Variants in NCAM2 observed in about 807,000 individuals in gnomAD.
The protein encoded by NCAM2 is neural cell adhesion molecule 2, also known as N-CAM-2.
In NCAM2, 30 loss-of-function variants were observed where a neutral mutation model predicts 98.1. That is an observed-to-expected ratio of 0.31 (90% CI 0.23 to 0.41). The LOEUF (loss-of-function observed/expected upper bound fraction) is 0.41. Among genes scored for constraint, NCAM2 ranks in the 10% least tolerant of loss-of-function variants. The probability of loss-of-function intolerance (pLI) is 1.00; values close to 1 mark genes in which losing one functional copy is unlikely to be tolerated. For missense variants in NCAM2, 867 were observed against 1,005.8 expected, an observed-to-expected ratio of 0.86 and a Z score of 1.87; for synonymous variants, 368 against 342.4, an observed-to-expected ratio of 1.07 and a Z score of -0.83.
chr21:21,371,093 G>C (rs1472399380), intron 8 of NCAM2, among the ~76,000 whole-genome samples: 2 of 151,668 alleles, frequency 1.3e-5, no homozygotes, highest in African/African-American at 4.8e-5. Context: ...ATTGAAATAA[G>C]AGGAAGATTA....
At chr21:21,067,857 C>T (rs2065472530) in intron 1 of NCAM2, among the ~76,000 whole-genome samples, 1 of 151,950 alleles carries the variant, frequency 6.6e-6, no homozygotes, top group African/African-American at 2.4e-5. Context: ...GAATATAGCC[C>T]ATTGACCCTT....
At position 21,356,817 on chromosome 21, in the gene NCAM2, C is replaced by G. The variant is rs532236354; in HGVS notation, c.1045-17046C>G. 2.1e-3 allele frequency among the ~76,000 whole-genome samples: 326 copies of G among 152,020 alleles called. 2 individuals are homozygous for G. Among genetic ancestry groups the G allele is most frequent in the Non-Finnish European group, 5.1e-4 (35 of 67,984 alleles). On this transcript the variant is annotated intron_variant, in intron 8 of 17. Transcript: ENST00000400546. ...ACAAACGTGGCCAACATGGAGAAATCCCATCTCTACTAAAAATACAAAATT... is the reference window on the plus strand; with the variant it reads ...ACAAACGTGGCCAACATGGAGAAATGCCATCTCTACTAAAAATACAAAATT...
chr21:21,507,353 A>T (rs1009236007), intron 15 of NCAM2, among the ~76,000 whole-genome samples: 2 of 152,144 alleles, frequency 1.3e-5, no homozygotes, highest in African/African-American at 4.8e-5. Flanking sequence ...AAACAAATAC[A>T]GGTTTTATAT....
At chr21:21,464,087 C>G (rs1331727570) in intron 12 of NCAM2, among the ~76,000 whole-genome samples, 1 of 152,036 alleles carries the variant, frequency 6.6e-6, no homozygotes, top group East Asian at 1.9e-4. Flanking sequence ...TTTTGCTTCT[C>G]TTTTTGCCTT....
At position 21,411,054 on chromosome 21, in the gene NCAM2, G is replaced by A. The variant is rs62207436; in HGVS notation, c.1383+593G>A. ...TATACACACATATATATATGTGTGTGTATATATATATATATACACACACAT... is the reference window on the plus strand; with the variant it reads ...TATACACACATATATATATGTGTGTATATATATATATATATACACACACAT... On this transcript the variant is annotated intron_variant, in intron 10 of 17. Transcript: ENST00000400546. 3.8e-3 allele frequency among the ~76,000 whole-genome samples: 110 copies of A among 29,212 alleles called. 6 individuals carry two copies. Among genetic ancestry groups the A allele is most frequent in the East Asian group, 9.9e-3 (5 of 506 alleles). 19.2% of individuals were successfully genotyped at this position (29,212 alleles called of 152,430 possible). A position where few individuals can be genotyped will look rare whatever the true frequency, so the allele number is the denominator to read the frequency against.
intron 1 of NCAM2, among the ~76,000 whole-genome samples, chr21:21,246,322 C>T (rs761804921): frequency 1.1e-4 from 17 of 151,920 alleles, no homozygotes; most frequent in Admixed American, 7.2e-4. Context: ...CCTGAGTTCT[C>T]GATCTCGGTA....
intron 12 of NCAM2, among the ~76,000 whole-genome samples, chr21:21,459,012 A>G (rs1317366676): frequency 6.6e-6 from 1 of 152,160 alleles, no homozygotes; most frequent in Admixed American, 6.6e-5. Flanking sequence ...ACAAAACCAA[A>G]TAACCCAATT....
At chr21:21,442,295 T>A (rs1004691090) in intron 12 of NCAM2, among the ~76,000 whole-genome samples, 3 of 152,150 alleles carry the variant, frequency 2.0e-5, no homozygotes, top group African/African-American at 7.2e-5. Context: ...GGGAAGAAGT[T>A]GTCAAATTCT....
chr21:21,409,502 C>T (rs2076813487), intron 9 of NCAM2, among the ~76,000 whole-genome samples: 1 of 152,000 alleles, frequency 6.6e-6, no homozygotes, highest in Admixed American at 6.6e-5. Context: ...GATTTCATAC[C>T]TGAGTCTTCA....
intron 9 of NCAM2, among the ~76,000 whole-genome samples, chr21:21,375,052 T>A (rs1463069948): frequency 6.6e-6 from 1 of 151,386 alleles, no homozygotes; most frequent in Non-Finnish European, 1.5e-5. Flanking sequence ...TTAGGAGATA[T>A]ACCTAATGCT....
intron 1 of NCAM2, among the ~76,000 whole-genome samples, chr21:21,137,672 C>T (rs560252954): frequency 6.1e-4 from 93 of 152,158 alleles, no homozygotes; most frequent in African/African-American, 2.2e-3. Context: ...ACAGGAGAAT[C>T]GCTTGAACCG....
chr21:21,339,972 T>A (rs1310937415), intron 8 of NCAM2, among the ~76,000 whole-genome samples: 9 of 151,972 alleles, frequency 5.9e-5, no homozygotes, highest in African/African-American at 1.9e-4. Context: ...ACAGTCATAA[T>A]CTTCTGCAAC....
chr21:21,451,927 T>C (rs1981133491), intron 12 of NCAM2, among the ~76,000 whole-genome samples: 1 of 152,074 alleles, frequency 6.6e-6, no homozygotes, highest in Non-Finnish European at 1.5e-5. Context: ...TTTCCCCATC[T>C]ATTGGTTGGG....
At chr21:21,104,744 G>T (rs567255016) in intron 1 of NCAM2, among the ~76,000 whole-genome samples, 1 of 152,212 alleles carries the variant, frequency 6.6e-6, no homozygotes, top group African/African-American at 2.4e-5. Flanking sequence ...TCTGCCTTGG[G>T]TAGTCTGTTC....
rs763000391 is a variant in NCAM2, at chr21:21,466,707, T to C, written c.1756T>C (p.Phe586Leu). 28 of 1,606,390 alleles carry C rather than the reference T, an allele frequency of 1.7e-5. No homozygotes were observed. The highest frequency in any genetic ancestry group is 2.4e-5 in the Non-Finnish European group (28 of 1,176,060). The change falls in exon 13 of 18, where the codon TTC (phenylalanine) becomes CTC (leucine). Residue 586 changes from phenylalanine to leucine, a missense_variant. Around this residue, in one of 5 missense-constraint regions of NCAM2, gnomAD observed 234 missense variants for 333.8 expected, o/e 0.70. Transcript: ENST00000400546. ...GQGDYSKIEI[F>L]QTLPVREPSP... ...AGGAGACTACAGTAAAATAGAAATC[T>C]TCCAAACATTACCAGTTCGTAAGTA...
chr21:21,073,970 A>G (rs1208348335), intron 1 of NCAM2, among the ~76,000 whole-genome samples: 1 of 152,174 alleles, frequency 6.6e-6, no homozygotes, highest in Non-Finnish European at 1.5e-5. Context: ...GAGCCAGGAG[A>G]AAAATTGGGA....
At chr21:21,139,909 C>A (rs1348783286) in intron 1 of NCAM2, among the ~76,000 whole-genome samples, 1 of 152,074 alleles carries the variant, frequency 6.6e-6, no homozygotes, top group East Asian at 1.9e-4. Flanking sequence ...ACGTCTTACA[C>A]ATATTTGCCT....
At chr21:21,362,506 C>G (rs1233922123) in intron 8 of NCAM2, among the ~76,000 whole-genome samples, 2 of 151,988 alleles carry the variant, frequency 1.3e-5, no homozygotes, top group African/African-American at 2.4e-5. Context: ...AATCCTCCCA[C>G]CTCAGCCTTC....
intron 14 of NCAM2, among the ~76,000 whole-genome samples, chr21:21,472,417 T>C (rs1334542307): frequency 6.6e-6 from 1 of 152,062 alleles, no homozygotes; most frequent in African/African-American, 2.4e-5. Flanking sequence ...TTAATAATGT[T>C]TATGTATGTA....
Sources: allele counts gnomAD v4.1 joint callset (sites outside exome capture counted in the v4.1 genomes callset), GRCh38; gene constraint gnomAD v4.1.1; regional missense constraint gnomAD v4.1.1; transcripts MANE v1.5; gene names NCBI Gene and HGNC (gene_info 2026-07-23, HGNC 2026-07-21).